The following NCOA3 variants were observed in gnomAD, a reference collection of about 807,000 sequenced individuals.
The protein encoded by NCOA3 is nuclear receptor coactivator 3, also known as CBP-interacting protein.
Under a neutral mutation model 158.8 loss-of-function variants are expected in NCOA3, and 51 were observed. That is an observed-to-expected ratio of 0.32 (90% CI 0.26 to 0.41). The LOEUF is 0.41. Ranked by LOEUF, NCOA3 falls within the 10% of genes least tolerant of loss-of-function variation. NCOA3 has a pLI of 1.00. For synonymous variants in NCOA3, 537 were observed against 592.4 expected (o/e 0.91, Z 1.36); for missense variants, 1,510 against 1,746.6 (o/e 0.86, Z 2.41).
At chr20:47,538,021 A>G (rs2084662726) in intron 1 of NCOA3, among the ~76,000 whole-genome samples, 1 of 152,058 alleles carries the variant, frequency 6.6e-6, no homozygotes, top group African/African-American at 2.4e-5. Context: ...CTGGGATTAC[A>G]GGTGCCTGCC....
In NCOA3 at chr20:47,594,741, G is replaced by T. The variant is rs1003809553; in HGVS notation, c.-20+11480G>T. Among the ~76,000 whole-genome samples the T allele has an allele frequency of 5.6e-5, 8 of 142,056 alleles. No homozygotes were observed. In the Admixed American group the frequency reaches 5.7e-4, roughly 10 times the overall value. The allele number at this position is 142,056 out of a possible 152,430, so 93.2% of individuals were successfully genotyped here. A position where few individuals can be genotyped will look rare whatever the true frequency, so the allele number is the denominator to read the frequency against. On this transcript the variant is annotated intron_variant, in intron 2 of 22. Coordinates refer to ENST00000371998, the MANE Select transcript of NCOA3 (RefSeq NM_181659.3). ...GATATTGCTGGGCACGGTGGCTCAC[G>T]CCTGTAATCCCAGCACTTTGGAAGG...
In NCOA3 at chr20:47,591,153, C is replaced by A. The variant is rs2085630091; in HGVS notation, c.-20+7892C>A. ...CAAAAGAAAAAACAAAAGAAAAAAC[C>A]ATAGTCTGAAACAACTGGTTAAATT... On this transcript the variant is annotated intron_variant, in intron 2 of 22. Transcript: ENST00000371998. Among the ~76,000 whole-genome samples the A allele has an allele frequency of 2.0e-5, 3 of 152,040 alleles. No individual in the cohort carries two copies. The South Asian group carries it at 6.2e-4, about 32-fold the overall frequency.
intron 1 of NCOA3, among the ~76,000 whole-genome samples, chr20:47,567,758 A>G (rs890500674): frequency 5.9e-5 from 9 of 152,026 alleles, no homozygotes; most frequent in African/African-American, 2.2e-4. Flanking sequence ...TTTAGTAGAG[A>G]CGGGGTTTCA....
rs554125016 is a variant in NCOA3 at position 47,562,955 on chromosome 20, G to A, written c.-98-20228G>A. 4.6e-5 allele frequency among the ~76,000 whole-genome samples: 7 copies of A among 152,180 alleles called. 1 individual carries two copies. In the Middle Eastern group the frequency reaches 0.01, roughly 222 times the overall value. The stretch of plus-strand genomic sequence containing the variant: ...ATGATGAGGTCTTGCTATGTTGGCC[G>A]GATTGGTCTTGAACTCTTGGCCTCA... On this transcript the variant is annotated intron_variant, in intron 1 of 22. Transcript: ENST00000371998.
chr20:47,625,004 C>T lies in NCOA3; in HGVS notation c.257-377C>T, dbSNP rs569125371. On this transcript the variant is annotated intron_variant, in intron 4 of 22. Coordinates refer to ENST00000371998, the MANE Select transcript of NCOA3 (RefSeq NM_181659.3). ...GCCAGGCTGGTCTCAAACTCCTGAC[C>T]TCAGGTGATCCACCCGCCTCAGCCT... Among the ~76,000 whole-genome samples, 3 of 152,202 alleles carry T rather than the reference C, an allele frequency of 2.0e-5. No individual in the cohort carries two copies. In the East Asian group the frequency reaches 5.8e-4, roughly 29 times the overall value.
At chr20:47,524,978 C>T (rs577128075) in intron 1 of NCOA3, among the ~76,000 whole-genome samples, 18 of 149,666 alleles carry the variant, frequency 1.2e-4, no homozygotes, top group African/African-American at 4.4e-4. Context: ...GTGTTTCTCG[C>T]AGAGGGGGAT....
intron 2 of NCOA3, among the ~76,000 whole-genome samples, chr20:47,587,371 GCTGTTTTCTCATCTTGGC>G (rs2085552177): frequency 6.6e-6 from 1 of 152,120 alleles, no homozygotes; most frequent in South Asian, 2.1e-4. Context: ...CTACTTCTGG[GCTGTTTTCTCATCTTGGC>G]CTTTTTAGTG....
chr20:47,610,716 C>T (rs2086029053), intron 2 of NCOA3, among the ~76,000 whole-genome samples: 1 of 152,156 alleles, frequency 6.6e-6, no homozygotes, highest in South Asian at 2.1e-4. Flanking sequence ...GCTCCAACCT[C>T]TTTGCTTTAT....
At chr20:47,586,266 A>G (rs550284109) in intron 2 of NCOA3, among the ~76,000 whole-genome samples, 1 of 152,218 alleles carries the variant, frequency 6.6e-6, no homozygotes, top group Admixed American at 6.6e-5. Context: ...TACATTTACA[A>G]AAGTTACAAA....
At chr20:47,596,676 C>T (rs1568713189) in intron 2 of NCOA3, among the ~76,000 whole-genome samples, 1 of 152,132 alleles carries the variant, frequency 6.6e-6, no homozygotes, top group Non-Finnish European at 1.5e-5. Flanking sequence ...GCCTCTGCCG[C>T]CCAGTCTCAA....
In NCOA3 at chr20:47,627,708, T is replaced by G. The variant is rs1209827437; in HGVS notation, c.680T>G (p.Phe227Cys). ...CAGAGATATGAAACAATGCAGTGCTTTGCCCTGTCTCAGCCACGAGCTATG... is the reference window on the plus strand; with the variant it reads ...CAGAGATATGAAACAATGCAGTGCTGTGCCCTGTCTCAGCCACGAGCTATG... ...MRQRYETMQC[F>C]ALSQPRAMME... is the part of the protein sequence containing the mutation. Residue 227 changes from phenylalanine (F) to cysteine (C), a missense_variant, in exon 7 of 23, where the codon TTT becomes TGT. This residue lies in a region of NCOA3 where 309 missense variants were observed against 427.1 expected (regional missense o/e 0.72). Transcript: ENST00000371998. 2 of 1,613,984 alleles carry G rather than the reference T, an allele frequency of 1.2e-6. No individual in the cohort carries two copies. The highest frequency in any genetic ancestry group is 1.7e-6 in the Non-Finnish European group (2 of 1,180,028).
intron 1 of NCOA3, among the ~76,000 whole-genome samples, chr20:47,555,475 A>C (rs2084988414): frequency 6.6e-6 from 1 of 152,114 alleles, no homozygotes; most frequent in African/African-American, 2.4e-5. Flanking sequence ...GACCATCCAT[A>C]ATTCCATTGT....
At chr20:47,514,916 T>C (rs1054009651) in intron 1 of NCOA3, among the ~76,000 whole-genome samples, 20 of 151,604 alleles carry the variant, frequency 1.3e-4, no homozygotes, top group Admixed American at 1.3e-3. Context: ...AACTCGTGAC[T>C]TTAGGTGATG....
rs372392620 is a variant in NCOA3 at position 47,637,771 on chromosome 20, A to G, written c.2500A>G (p.Thr834Ala). Residue 834 changes from threonine to alanine, a missense_variant, in exon 13 of 23, where the codon ACT becomes GCT. Physicochemically the swap from Thr to Ala is moderately conservative, Grantham distance 58. Around this residue, in one of 4 missense-constraint regions of NCOA3, gnomAD observed 1,017 missense variants for 1,098.3 expected, o/e 0.93. Coordinates refer to ENST00000371998, the MANE Select transcript of NCOA3 (RefSeq NM_181659.3). Reference protein sequence around the residue: ...LGTKQQVFQGTNSLGLKSSQS... With the variant: ...LGTKQQVFQGANSLGLKSSQS... ...GACTAAGCAACAGGTGTTTCAAGGA[A>G]CTAATTCTCTGGGTAAGAATGAACT... 6.9e-6 allele frequency: 11 copies of G among 1,593,054 alleles called. No individual in the cohort carries two copies. The African/African-American group carries it at 1.5e-4, about 22-fold the overall frequency.
chr20:47,636,672 G>A lies in NCOA3; in HGVS notation c.2286G>A (p.Val762=). The A allele has an allele frequency of 3.1e-6, 5 of 1,614,060 alleles. No homozygotes were observed. Among genetic ancestry groups the A allele is most frequent in the Non-Finnish European group, 4.2e-6 (5 of 1,179,982 alleles). Residue 762 remains valine, a synonymous_variant, in exon 12 of 23, where the codon GTG becomes GTA. Transcript: ENST00000371998. ...AACTACAGCCCCAAGTGGAAGGAGT[G>A]GATAATAAAATGAGTCAGTGCACCA... ...SKELQPQVEG[V]DNKMSQCTSS...
At chr20:47,529,640 G>A (rs2084514165) in intron 1 of NCOA3, among the ~76,000 whole-genome samples, 1 of 152,124 alleles carries the variant, frequency 6.6e-6, no homozygotes, top group Admixed American at 6.5e-5. Context: ...CTCGAACTCT[G>A]ACCTCAAGTG....
chr20:47,616,474 T>C (rs1247620332), intron 2 of NCOA3, among the ~76,000 whole-genome samples: 1 of 152,082 alleles, frequency 6.6e-6, no homozygotes, highest in Non-Finnish European at 1.5e-5. Context: ...ATTACAGGCG[T>C]GAGCCACCCC....
chr20:47,626,819 T>C (rs920581776), intron 5 of NCOA3, among the ~76,000 whole-genome samples, 183 bp from the exon 6 acceptor site: 1 of 152,184 alleles, frequency 6.6e-6, no homozygotes, highest in Non-Finnish European at 1.5e-5. Context: ...TCTCCCCTTA[T>C]AGGATACCAG....
intron 2 of NCOA3, among the ~76,000 whole-genome samples, chr20:47,614,700 C>T (rs921521919): frequency 6.6e-6 from 1 of 152,074 alleles, no homozygotes; most frequent in Admixed American, 6.6e-5. Flanking sequence ...TCAAATTTTC[C>T]TTTTGCTGTG....
Sources: gnomAD v4.1 joint callset for allele counts (sites outside exome capture counted in the v4.1 genomes callset) on GRCh38, gnomAD v4.1.1 for gene constraint, gnomAD v4.1.1 regional missense constraint, MANE v1.5 for transcripts, NCBI Gene and HGNC (gene_info 2026-07-23, HGNC 2026-07-21) for gene names.